Variants in ARHGAP6 observed in about 807,000 individuals in gnomAD.
ARHGAP6 encodes rho GTPase-activating protein 6.
In ARHGAP6, 16 loss-of-function variants were observed where a neutral mutation model predicts 55.7. The ratio of observed to expected loss-of-function variants is 0.29; its 90% CI spans 0.19 to 0.44. The LOEUF (loss-of-function observed/expected upper bound fraction) is 0.44. ARHGAP6 is among the 20% of genes least tolerant of loss of function. ARHGAP6 has a pLI of 1.00. For synonymous variants in ARHGAP6, 382 were observed against 360.9 expected (o/e 1.06, Z -0.66); for missense variants, 698 against 808.9 (o/e 0.86, Z 1.66).
intron 1 of ARHGAP6, among the ~76,000 whole-genome samples, chrX:11,424,914 G>T (rs1310000791): frequency 8.9e-6 from 1 of 112,490 alleles, no homozygotes. Context: ...TTCTTGTCTA[G>T]TTAATTGCAT....
intron 1 of ARHGAP6, among the ~76,000 whole-genome samples, chrX:11,444,952 T>C (rs1007558687): frequency 8.9e-6 from 1 of 112,077 alleles, no homozygotes; most frequent in Non-Finnish European, 1.9e-5. Flanking sequence ...TCTTGTTTCA[T>C]AGCCCAGCCT....
intron 1 of ARHGAP6, among the ~76,000 whole-genome samples, chrX:11,460,479 G>C (rs1216390483): frequency 9.0e-6 from 1 of 111,121 alleles, no homozygotes; most frequent in Non-Finnish European, 1.9e-5. Flanking sequence ...AGGTGTTCCT[G>C]GCCTCCTGAC....
rs57225537 is a variant in ARHGAP6, at chrX:11,526,857, C to T, written c.588+137384G>A. ...GCTAATTTCTGTCATTATATTATAT[C>T]AGACAACTAAAATTACCATGCTTAG... On this transcript the variant is annotated intron_variant, in intron 1 of 12. Transcript: ENST00000337414. Among the ~76,000 whole-genome samples the T allele has an allele frequency of 8.3e-3, 922 of 111,473 alleles. 14 individuals carry two copies. Among genetic ancestry groups the T allele is most frequent in the African/African-American group, 0.028 (868 of 30,655 alleles).
At chrX:11,367,556 G>C (rs1569317434) in intron 1 of ARHGAP6, among the ~76,000 whole-genome samples, 1 of 112,085 alleles carries the variant, frequency 8.9e-6, no homozygotes, top group East Asian at 2.8e-4. Context: ...TATAACAAAG[G>C]ATATTTAAAG....
chrX:11,511,454 T>C (rs1169031980), intron 1 of ARHGAP6, among the ~76,000 whole-genome samples: 4 of 112,329 alleles, frequency 3.6e-5, no homozygotes, highest in African/African-American at 1.3e-4. Context: ...ACAGTGGCCA[T>C]GCCTTGTACA....
At chrX:11,477,366 A>G (rs970325371) in intron 1 of ARHGAP6, among the ~76,000 whole-genome samples, 5 of 111,818 alleles carry the variant, frequency 4.5e-5, no homozygotes, top group Non-Finnish European at 7.6e-5. Context: ...AAATGTTGGT[A>G]AGAATATGGA....
chrX:11,447,533 G>A (rs927348255), intron 1 of ARHGAP6, among the ~76,000 whole-genome samples: 1 of 112,059 alleles, frequency 8.9e-6, no homozygotes, highest in African/African-American at 3.2e-5. Context: ...TTGCTTTAAG[G>A]TTACAAAAGC....
intron 1 of ARHGAP6, among the ~76,000 whole-genome samples, chrX:11,520,045 C>G: frequency 1.1e-5 from 1 of 91,514 alleles, no homozygotes. Flanking sequence ...TCAGAGTGAA[C>G]AGGCAACCTA....
chrX:11,266,724 T>C (rs1355930216), intron 1 of ARHGAP6, among the ~76,000 whole-genome samples: 1 of 112,018 alleles, frequency 8.9e-6, no homozygotes, highest in Non-Finnish European at 1.9e-5. Flanking sequence ...AAGACATCTT[T>C]GTTTCCCAGT....
At chrX:11,185,078 C>T (rs1265502911) in intron 5 of ARHGAP6, among the ~76,000 whole-genome samples, 1 of 111,142 alleles carries the variant, frequency 9.0e-6, no homozygotes, top group African/African-American at 3.3e-5. Context: ...GTATTATAAC[C>T]TTATGCAATC....
At chrX:11,530,517 A>C (rs979519140) in intron 1 of ARHGAP6, among the ~76,000 whole-genome samples, 1 of 111,913 alleles carries the variant, frequency 8.9e-6, no homozygotes, top group African/African-American at 3.2e-5. Context: ...CATTCTCGAT[A>C]CATACGAGAG....
chrX:11,550,394 T>C (rs1381672926), intron 1 of ARHGAP6, among the ~76,000 whole-genome samples: 1 of 112,067 alleles, frequency 8.9e-6, no homozygotes, highest in Admixed American at 9.5e-5. Context: ...CACATTAAGA[T>C]TGGAGACATG....
At chrX:11,524,117 TA>T (rs1389882014) in intron 1 of ARHGAP6, among the ~76,000 whole-genome samples, 1 of 111,862 alleles carries the variant, frequency 8.9e-6, no homozygotes, top group Admixed American at 9.5e-5. Flanking sequence ...ATTATTATAA[TA>T]AAAGAAGTGA....
intron 1 of ARHGAP6, among the ~76,000 whole-genome samples, chrX:11,661,169 TAGG>T (rs1386940783): frequency 8.9e-6 from 1 of 112,594 alleles, no homozygotes; most frequent in Non-Finnish European, 1.9e-5. Flanking sequence ...CCACAAGAAT[TAGG>T]AGAAGCTCAG....
At chrX:11,506,335 C>G (rs764773234) in intron 1 of ARHGAP6, among the ~76,000 whole-genome samples, 12 of 110,913 alleles carry the variant, frequency 1.1e-4, no homozygotes, top group Middle Eastern at 9.3e-3. Flanking sequence ...TGGTTTGCCG[C>G]ACCCATCAAC....
At chrX:11,612,274 T>A (rs1205317189) in intron 1 of ARHGAP6, among the ~76,000 whole-genome samples, 4 of 112,081 alleles carry the variant, frequency 3.6e-5, no homozygotes, top group African/African-American at 1.3e-4. Context: ...TACACCCAAC[T>A]GCTAGCTTCT....
At position 11,283,442 on chromosome X, in the gene ARHGAP6, G is replaced by A. The variant is rs376932631; in HGVS notation, c.589-28735C>T. Among the ~76,000 whole-genome samples the A allele has an allele frequency of 5.4e-5, 6 of 111,778 alleles. No homozygotes were observed. In the South Asian group the frequency reaches 2.2e-3, roughly 41 times the overall value. ...TTTCTCTATGACACAAATTTTGCTG[G>A]AGAATAAAGGTAAAATTATTTGTGT... On this transcript the variant is annotated intron_variant, in intron 1 of 12. Coordinates refer to ENST00000337414, the MANE Select transcript of ARHGAP6 (RefSeq NM_013427.3).
In ARHGAP6 at chrX:11,485,311, G is replaced by A. The variant is rs892095541; in HGVS notation, c.588+178930C>T. ...TCCAGGATGAATGAGGATTTATCAC[G>A]GAAAGAGTATTAGAAGAGAAGAGGG... On this transcript the variant is annotated intron_variant, in intron 1 of 12. Transcript: ENST00000337414. 1.8e-5 allele frequency among the ~76,000 whole-genome samples: 2 copies of A among 110,913 alleles called. 1 individual carries two copies. The highest frequency in any genetic ancestry group is 3.8e-5 in the Non-Finnish European group (2 of 53,015).
chrX:11,211,260 C>T (rs1237896019), intron 2 of ARHGAP6, among the ~76,000 whole-genome samples: 10 of 97,185 alleles, frequency 1.0e-4, no homozygotes, highest in Non-Finnish European at 1.8e-4. Context: ...TTTCCTCTGT[C>T]GCCCAGGCTG....
Sources: allele counts gnomAD v4.1 joint callset (sites outside exome capture counted in the v4.1 genomes callset), GRCh38; gene constraint gnomAD v4.1.1; transcripts MANE v1.5; gene names NCBI Gene and HGNC (gene_info 2026-07-23, HGNC 2026-07-21).